CPA3: variants seen among roughly 807,000 people sequenced by gnomAD.
The protein encoded by CPA3 is carboxypeptidase A3.
CPA3 carries 52 observed loss-of-function variants against 55.8 expected under a neutral mutation model. The ratio of observed to expected loss-of-function variants is 0.93; its 90% confidence interval spans 0.75 to 1.17. CPA3 has a LOEUF of 1.17. Among genes scored for constraint, CPA3 ranks in the 50% most tolerant of loss-of-function variants. The pLI, the probability that CPA3 is intolerant of heterozygous loss-of-function variation, is 0.00. For missense variants in CPA3, 547 were observed against 509.1 expected (o/e 1.07, Z -0.72); for synonymous variants, 179 against 171.2 (o/e 1.05, Z -0.36).
At chr3:148,884,869 A>AC (rs1403728803) in intron 9 of CPA3, among the ~76,000 whole-genome samples, 1 of 71,844 alleles carries the variant, frequency 1.4e-5, no homozygotes, top group African/African-American at 4.4e-5. Context: ...ACATATCCAC[A>AC]AAAAAAAAAA....
intron 3 of CPA3, among the ~76,000 whole-genome samples, chr3:148,872,051 A>G (rs1231868338): frequency 6.7e-6 from 1 of 148,942 alleles, no homozygotes; most frequent in African/African-American, 2.6e-5. Flanking sequence ...GACAGGGTAT[A>G]TCAACTACTA....
chr3:148,892,000 G>A (rs1576506054), intron 10 of CPA3, among the ~76,000 whole-genome samples: 1 of 151,878 alleles, frequency 6.6e-6, no homozygotes. Flanking sequence ...CTATATTTCA[G>A]CTCACGTGCT....
In CPA3 at chr3:148,884,870, A is replaced by G. The variant is rs138823564; in HGVS notation, c.981+1055A>G. ...GGGTTAAAAAAAATACATATCCACA[A>G]AAAAAAAAACCACTTTGAGTAAAAT... On this transcript the variant is annotated intron_variant, in intron 9 of 10. Coordinates refer to ENST00000296046, the MANE Select transcript of CPA3 (RefSeq NM_001870.4). 3.7e-3 allele frequency among the ~76,000 whole-genome samples: 552 copies of G among 150,006 alleles called. 3 individuals are homozygous for G. The highest frequency in any genetic ancestry group is 0.013 in the African/African-American group (536 of 40,576).
intron 2 of CPA3, 108 bp downstream of exon 2, chr3:148,865,656 G>A: frequency 4.2e-6 from 4 of 963,746 alleles, no homozygotes; most frequent in East Asian, 2.6e-5. Flanking sequence ...TTGAACATAA[G>A]GGGAAAGCAG....
Position 148,896,761 on chromosome 3 carries a change from C to A in CPA3, c.*54C>A. On this transcript the variant is annotated 3_prime_UTR_variant, in exon 11 of 11. Transcript: ENST00000296046. ...ATTAATCCTTTTTTGTGCCTTTCATCAGAAAGTCAATCTTCAGTTATCCCC... is the reference window on the plus strand; with the variant it reads ...ATTAATCCTTTTTTGTGCCTTTCATAAGAAAGTCAATCTTCAGTTATCCCC... 7.4e-7 allele frequency: 1 copy of A among 1,360,014 alleles called. No homozygotes were observed. The highest frequency in any genetic ancestry group is 9.8e-7 in the Non-Finnish European group (1 of 1,015,430). The allele number at this position is 1,360,014 out of a possible 1,614,324, so 84.2% of individuals were successfully genotyped here.
intron 3 of CPA3, among the ~76,000 whole-genome samples, chr3:148,877,380 G>A (rs552699161): frequency 9.3e-4 from 142 of 152,210 alleles, no homozygotes; most frequent in Admixed American, 1.4e-3. Flanking sequence ...TGTAATTCCA[G>A]CTGCTCAGGA....
intron 2 of CPA3, among the ~76,000 whole-genome samples, chr3:148,866,558 A>G (rs751731298): frequency 6.6e-6 from 1 of 152,222 alleles, no homozygotes; most frequent in Non-Finnish European, 1.5e-5. Context: ...CTTCAAAGTC[A>G]AACGCTTACA....
chr3:148,865,359 C>G lies in CPA3; in HGVS notation c.52C>G (p.Pro18Ala), dbSNP rs1457666944. The G allele has an allele frequency of 5.0e-6, 8 of 1,613,956 alleles. No individual in the cohort carries two copies. The highest frequency in any genetic ancestry group is 4.0e-5 in the African/African-American group (3 of 74,902). ...GATTGCTACCACTCTTGCAATTGCT[C>G]CTGTCCGCTTTGACAGGTAAATCTT... is the stretch of plus-strand genomic sequence containing the variant. ...GLIATTLAIAPVRFDREKVFR... is the reference protein window; with the variant it reads ...GLIATTLAIAAVRFDREKVFR... The change falls in exon 1 of 11, where the codon CCT becomes GCT. Residue 18 changes from proline to alanine, a missense_variant. Pro to Ala is a conservative substitution (Grantham distance 27). Transcript: ENST00000296046.
intron 10 of CPA3, among the ~76,000 whole-genome samples, chr3:148,888,997 A>G (rs1347036119): frequency 6.6e-6 from 1 of 152,218 alleles, no homozygotes; most frequent in Non-Finnish European, 1.5e-5. Flanking sequence ...TCACTTTCAA[A>G]ATGGAAAGAT....
In CPA3 at chr3:148,882,527, G is replaced by T. The variant is rs374150898; in HGVS notation, c.710G>T (p.Arg237Leu). Residue 237 changes from arginine (R) to leucine (L), a missense_variant, in exon 8 of 11, where the codon CGT (arginine) becomes CTT (leucine). Physicochemically the swap from Arg to Leu is moderately radical, Grantham distance 102 (BLOSUM62 -2). Coordinates refer to ENST00000296046, the MANE Select transcript of CPA3 (RefSeq NM_001870.4). Reference sequence around the variant, plus strand: ...CAGAACCGCATGTGGAGAAAAAATCGTTCCAAGAACCAAAACTCCAAATGC... The same window carrying T: ...CAGAACCGCATGTGGAGAAAAAATCTTTCCAAGAACCAAAACTCCAAATGC... Reference protein sequence around the residue: ...WTKNRMWRKNRSKNQNSKCIG... With the variant: ...WTKNRMWRKNLSKNQNSKCIG... The T allele has an allele frequency of 4.3e-6, 7 of 1,613,506 alleles. No homozygotes were observed. Among genetic ancestry groups the T allele is most frequent in the Non-Finnish European group, 5.9e-6 (7 of 1,179,696 alleles).
intron 9 of CPA3, among the ~76,000 whole-genome samples, chr3:148,884,237 T>C (rs1576583550): frequency 1.3e-5 from 2 of 152,206 alleles, no homozygotes; most frequent in East Asian, 3.8e-4. Context: ...CCTGATCAAC[T>C]TGGAAATTAT....
rs61747091 is a variant in CPA3 at position 148,886,133 on chromosome 3, G to C, written c.1022G>C (p.Arg341Pro). The stretch of plus-strand genomic sequence containing the variant: ...ATTGGCACTGATGTTCTATCAACTC[G>C]ATATGAAACCCGCTACATCTATGGC... ...AKIGTDVLST[R>P]YETRYIYGPI... is the part of the protein sequence containing the mutation. Residue 341 changes from arginine (R) to proline (P), a missense_variant, in exon 10 of 11, where the codon CGA becomes CCA. By Grantham distance (103) the Arg-to-Pro change is moderately radical. Coordinates refer to ENST00000296046, the MANE Select transcript of CPA3 (RefSeq NM_001870.4). 1 of 1,613,302 alleles carries C rather than the reference G, an allele frequency of 6.2e-7. No homozygotes were observed. Among genetic ancestry groups the C allele is most frequent in the Admixed American group, 1.7e-5 (1 of 59,970 alleles).
At chr3:148,895,939 T>A (rs1714815407) in intron 10 of CPA3, among the ~76,000 whole-genome samples, 1 of 152,226 alleles carries the variant, frequency 6.6e-6, no homozygotes, top group African/African-American at 2.4e-5. Flanking sequence ...TGTGTGTTTA[T>A]ATTTCCAATG....
At position 148,883,740 on chromosome 3, in the gene CPA3, C is replaced by T. The variant is rs1334781781; in HGVS notation, c.906C>T (p.Thr302=). ...SHLNEIKVYI[T]FHSYSQMLLF... ...TGAATGAAATCAAGGTTTACATCACCTTCCATTCCTACTCCCAGATGCTAT... is the reference window on the plus strand; with the variant it reads ...TGAATGAAATCAAGGTTTACATCACTTTCCATTCCTACTCCCAGATGCTAT... The change falls in exon 9 of 11, where the codon ACC becomes ACT. Residue 302 remains threonine, a synonymous_variant. Transcript: ENST00000296046. 2 of 1,614,050 alleles carry T rather than the reference C, an allele frequency of 1.2e-6. No individual in the cohort carries two copies. Among genetic ancestry groups the T allele is most frequent in the Non-Finnish European group, 1.7e-6 (2 of 1,179,938 alleles).
chr3:148,884,111 T>C (rs1009807942), intron 9 of CPA3, among the ~76,000 whole-genome samples: 9 of 152,152 alleles, frequency 5.9e-5, no homozygotes, highest in African/African-American at 2.2e-4. Flanking sequence ...GGGTTTAACA[T>C]TTACCATGGG....
chr3:148,896,659 G>T lies in CPA3; in HGVS notation c.1206G>T (p.Met402Ile), dbSNP rs1714839515. 3 of 1,565,702 alleles carry T rather than the reference G, an allele frequency of 1.9e-6. No individual in the cohort carries two copies. Among genetic ancestry groups the T allele is most frequent in the South Asian group, 1.2e-5 (1 of 86,150 alleles). Residue 402 changes from methionine to isoleucine, a missense_variant, in exon 11 of 11, where the codon ATG (methionine) becomes ATT (isoleucine). By Grantham distance (10) the Met-to-Ile change is conservative. Coordinates refer to ENST00000296046, the MANE Select transcript of CPA3 (RefSeq NM_001870.4). ...TAAAGCCAACGTGCAGAGAGACCAT[G>T]CTAGCTGTCAAATTTATTGCCAAGT... Reference protein sequence around the residue: ...SRIKPTCRETMLAVKFIAKYI... With the variant: ...SRIKPTCRETILAVKFIAKYI...
intron 8 of CPA3, among the ~76,000 whole-genome samples, chr3:148,882,876 C>T (rs1714408068): frequency 6.6e-6 from 1 of 152,012 alleles, no homozygotes; most frequent in African/African-American, 2.4e-5. Context: ...TTCAGATAAT[C>T]TGAATAAAGA....
At chr3:148,877,313 T>C (rs1714235344) in intron 3 of CPA3, among the ~76,000 whole-genome samples, 1 of 152,186 alleles carries the variant, frequency 6.6e-6, no homozygotes, top group Non-Finnish European at 1.5e-5. Context: ...CTGATCAACA[T>C]GGAGAAACCC....
At chr3:148,869,981 T>C (rs1409630679) in intron 3 of CPA3, 1 of 149,652 alleles carries the variant, frequency 6.7e-6, no homozygotes, top group African/African-American at 2.5e-5. Flanking sequence ...TAGTCCCAGC[T>C]ACTCGGGAGG....
Sources: allele counts gnomAD v4.1 joint callset (sites outside exome capture counted in the v4.1 genomes callset), GRCh38; gene constraint gnomAD v4.1.1; transcripts MANE v1.5; gene names NCBI Gene and HGNC (gene_info 2026-07-23, HGNC 2026-07-21).